Variants in WASHC2C observed in about 807,000 individuals in gnomAD.
WASHC2C encodes Vaccinia Penetration Factor.
In WASHC2C, 73 loss-of-function variants were observed where a neutral mutation model predicts 142.2. That is an observed-to-expected ratio of 0.51 (90% CI 0.43 to 0.62). WASHC2C has a LOEUF of 0.62. Ranked by LOEUF, WASHC2C falls within the 20% of genes least tolerant of loss-of-function variation. The probability of loss-of-function intolerance (pLI) is 0.00; values close to 1 mark genes in which losing one functional copy is unlikely to be tolerated. For synonymous variants in WASHC2C, 337 were observed against 565.5 expected (o/e 0.60, Z 5.73); for missense variants, 969 against 1,531.7 (o/e 0.63, Z 6.13).
At chr10:45,753,839 T>A (rs1554875878) in intron 13 of WASHC2C, among the ~76,000 whole-genome samples, 1 of 151,030 alleles carries the variant, frequency 6.6e-6, no homozygotes, top group East Asian at 1.9e-4. Flanking sequence ...TTTTTTTTTT[T>A]CTTTTTTTTT....
intron 8 of WASHC2C, among the ~76,000 whole-genome samples, chr10:45,749,880 T>TATATA (rs2053380673): frequency 7.5e-6 from 1 of 133,928 alleles, no homozygotes; most frequent in Admixed American, 7.7e-5. Flanking sequence ...TATTTATATT[T>TATATA]TATATATATT....
intron 23 of WASHC2C, among the ~76,000 whole-genome samples, chr10:45,779,397 C>A (rs1554887418): frequency 6.6e-6 from 1 of 150,684 alleles, no homozygotes; most frequent in Non-Finnish European, 1.5e-5. Flanking sequence ...CAAAACTTTG[C>A]CCCTTGGCCA....
At chr10:45,777,449 T>G (rs782311927) in intron 22 of WASHC2C, 24 bp downstream of exon 22, 1 of 1,611,342 alleles carries the variant, frequency 6.2e-7, no homozygotes. Flanking sequence ...CTTGTATACT[T>G]GAATGCATTT....
chr10:45,732,602 A>T (rs1419655191), intron 3 of WASHC2C, among the ~76,000 whole-genome samples: 1 of 152,132 alleles, frequency 6.6e-6, no homozygotes, highest in Non-Finnish European at 1.5e-5. Flanking sequence ...TAAAAAAAAA[A>T]TTCCAGAATG....
chr10:45,749,697 A>T (rs568458391), intron 8 of WASHC2C, among the ~76,000 whole-genome samples: 12 of 150,052 alleles, frequency 8.0e-5, no homozygotes, highest in African/African-American at 2.9e-4. Context: ...GTAGTGGTGC[A>T]TGCGTGTAAT....
At chr10:45,739,342 T>C (rs1399960273) in intron 4 of WASHC2C, among the ~76,000 whole-genome samples, 2 of 150,842 alleles carry the variant, frequency 1.3e-5, no homozygotes, top group African/African-American at 4.9e-5. Context: ...GTTTGGTTCC[T>C]TCTAGAATAT....
upstream of WASHC2C, chr10:45,727,178 C>G (rs554102646): frequency 2.1e-6 from 3 of 1,454,852 alleles, no homozygotes; most frequent in Non-Finnish European, 2.7e-6. Context: ...GGTCGGATCA[C>G]GTGCGGGTTC....
At chr10:45,771,947 A>G (rs1257512358) in intron 20 of WASHC2C, among the ~76,000 whole-genome samples, 9 of 152,334 alleles carry the variant, frequency 5.9e-5, no homozygotes, top group African/African-American at 1.9e-4. Flanking sequence ...AAACTTGTAC[A>G]TGAGTGTTTA....
intron 23 of WASHC2C, among the ~76,000 whole-genome samples, chr10:45,784,281 T>TACACAC (rs1207152561): frequency 2.2e-4 from 2 of 9,042 alleles, no homozygotes; most frequent in Non-Finnish European, 3.8e-4. Context: ...TATATATATA[T>TACACAC]ATATATATAC....
Position 45,755,067 on chromosome 10 carries a change from G to A in WASHC2C, c.1372G>A (p.Asp458Asn), listed in dbSNP as rs376399753. 2.5e-6 allele frequency: 4 copies of A among 1,611,624 alleles called. No homozygotes were observed. The highest frequency in any genetic ancestry group is 3.4e-6 in the Non-Finnish European group (4 of 1,179,802). Residue 458 changes from aspartate (D) to asparagine (N), a missense_variant, in exon 15 of 31, where the codon GAT becomes AAT. Physicochemically the swap from Asp to Asn is conservative, Grantham distance 23 (BLOSUM62 1). Transcript: ENST00000623400. ...CCTCTTTGATGATGATGATGGTGAT[G>A]ATGATGACGACTTTTTCTCGGCACC... ...TGLFDDDDGD[D>N]DDDFFSAPHS...
intron 29 of WASHC2C, among the ~76,000 whole-genome samples, chr10:45,789,712 A>T (rs1463863329): frequency 6.6e-6 from 1 of 152,008 alleles, no homozygotes; most frequent in East Asian, 2.0e-4. Flanking sequence ...GGCCATGATC[A>T]TTGATACTGA....
chr10:45,758,606 C>CT (rs60416109), intron 16 of WASHC2C, among the ~76,000 whole-genome samples: 9,844 of 128,128 alleles, frequency 0.077, 477 homozygotes, highest in Admixed American at 0.17. Flanking sequence ...CATTCTTCTT[C>CT]TTTTTTTTTT....
intron 5 of WASHC2C, 120 bp from the exon 6 acceptor site, chr10:45,743,270 T>C (rs1265062760): frequency 4.5e-6 from 7 of 1,547,518 alleles, no homozygotes; most frequent in Admixed American, 1.7e-5. Flanking sequence ...GTGTTTCTTA[T>C]TCTCCACCTT....
chr10:45,772,691 G>A (rs550040541), intron 20 of WASHC2C, among the ~76,000 whole-genome samples: 1 of 152,236 alleles, frequency 6.6e-6, no homozygotes. Flanking sequence ...TCTCCAGCCT[G>A]GGCAGTAGAG....
At chr10:45,773,475 C>T (rs1220162401) in intron 21 of WASHC2C, 117 bp downstream of exon 21, 1 of 726,762 alleles carries the variant, frequency 1.4e-6, no homozygotes, top group Admixed American at 2.7e-5. Flanking sequence ...TATGGAAGAC[C>T]TTATTTGCCT....
chr10:45,778,701 A>AGAGG (rs1554887085), intron 22 of WASHC2C, among the ~76,000 whole-genome samples: 8 of 152,140 alleles, frequency 5.3e-5, no homozygotes, highest in Non-Finnish European at 1.2e-4. Flanking sequence ...TTGATAGGAG[A>AGAGG]GAGGGACCCA....
intron 3 of WASHC2C, among the ~76,000 whole-genome samples, chr10:45,732,170 G>A (rs1160706566): frequency 6.6e-6 from 1 of 152,076 alleles, no homozygotes; most frequent in Non-Finnish European, 1.5e-5. Flanking sequence ...TTGAATTATG[G>A]TGCCATTTGG....
At chr10:45,728,751 CTTTCACAT>C in intron 2 of WASHC2C, 103 bp from the exon 3 acceptor site, 1 of 1,224,806 alleles carries the variant, frequency 8.2e-7, no homozygotes, top group Middle Eastern at 2.3e-4. Flanking sequence ...AAAAGCATTT[CTTTCACAT>C]TCTAACACTC....
chr10:45,750,065 G>T, intron 8 of WASHC2C, 31 bp from the exon 9 acceptor site: 1 of 1,573,730 alleles, frequency 6.4e-7, no homozygotes, highest in Non-Finnish European at 8.6e-7. Flanking sequence ...TTAATAACTA[G>T]TAGTTCTAAT....
Sources: allele counts gnomAD v4.1 joint callset (sites outside exome capture counted in the v4.1 genomes callset), GRCh38; gene constraint gnomAD v4.1.1; transcripts MANE v1.5; gene names NCBI Gene and HGNC (gene_info 2026-07-23, HGNC 2026-07-21).